Variants in PELP1 observed in about 807,000 individuals in gnomAD.
PELP1 encodes proline, glutamate and leucine rich protein 1, also known as proline-, glutamic acid- and leucine-rich protein 1.
Under a neutral mutation model 95.5 loss-of-function variants are expected in PELP1, and 32 were observed. The observed-to-expected ratio is 0.34, with a 90% CI of 0.25 to 0.45. PELP1 has a LOEUF of 0.45. PELP1 is among the 20% of genes least tolerant of loss of function. The pLI is 1.00. For missense variants in PELP1, 1,358 were observed against 1,444.8 expected (o/e 0.94, Z 0.97); for synonymous variants, 668 against 600.1 (o/e 1.11, Z -1.65).
chr17:4,674,980 G>A (rs1476372848), intron 11 of PELP1, 24 bp from the exon 12 acceptor site: 1 of 1,605,616 alleles, frequency 6.2e-7, no homozygotes, highest in Non-Finnish European at 8.5e-7. Context: ...AAAGATGGCA[G>A]TTATGAATGG....
At position 4,703,963 on chromosome 17, in the gene PELP1, C is replaced by G. The variant is rs1199632397; in HGVS notation, c.149G>C (p.Gly50Ala). ...GGGATGCACCGGAGCAACGGCAGAC[C>G]CCGTTCGAGGTTGCAGCAAACCAGA... ...SVSGLLQPRT[G>A]SAVAPVHPPN... Residue 50 changes from glycine (G) to alanine (A), a missense_variant, in exon 1 of 17, where the codon GGG becomes GCG. This residue lies in a region of PELP1 where 169 missense variants were observed against 134.9 expected (regional missense o/e 1.25). Coordinates refer to ENST00000572293, the MANE Select transcript of PELP1 (RefSeq NM_014389.3). 3.1e-6 allele frequency: 5 copies of G among 1,613,454 alleles called. No individual in the cohort carries two copies. The highest frequency in any genetic ancestry group is 3.4e-6 in the Non-Finnish European group (4 of 1,179,742).
intron 1 of PELP1, among the ~76,000 whole-genome samples, chr17:4,695,920 G>T (rs1292259955): frequency 6.6e-6 from 1 of 151,100 alleles, no homozygotes; most frequent in Non-Finnish European, 1.5e-5. Context: ...GCCCACCTTG[G>T]CCTCCGAAAG....
chr17:4,689,304 C>G (rs1368732404), intron 3 of PELP1, among the ~76,000 whole-genome samples: 2 of 152,106 alleles, frequency 1.3e-5, no homozygotes, highest in African/African-American at 4.8e-5. Context: ...GACCAAGAAT[C>G]CAAAAGCAAC....
In PELP1 at chr17:4,673,355, G is replaced by A; in HGVS notation, c.1740C>T (p.Tyr580=). 1 of 1,596,718 alleles carries A rather than the reference G, an allele frequency of 6.3e-7. No homozygotes were observed. The highest frequency in any genetic ancestry group is 1.1e-5 in the South Asian group (1 of 88,270). Residue 580 remains tyrosine, a synonymous_variant, in exon 15 of 17, where the codon TAC becomes TAT. Transcript: ENST00000572293. This position sits in a 1 kb window ranked among gnomAD's most constrained non-coding sequence, Gnocchi z 5.7. ...CCAGCAGCAGCGCCAGCAGCAGGCAGTAGAGTTCACGGCGGCAGCGGGAGC... is the reference window on the plus strand; with the variant it reads ...CCAGCAGCAGCGCCAGCAGCAGGCAATAGAGTTCACGGCGGCAGCGGGAGC... The part of the protein sequence containing the change: ...YTSSRCRREL[Y]CLLLALLLAP...
chr17:4,674,842 G>A lies in PELP1; in HGVS notation c.1389C>T (p.Leu463=). ...CATCAGCTGGCGGGGAGATGTCGCT[G>A]AGCAGGTGGGTGAGCAGGGCCTCTC... The part of the protein sequence containing the change: ...ASGEALLTHL[L]SDISPPADAL... The change falls in exon 12 of 17, where the codon CTC becomes CTT. Residue 463 remains leucine (L), a synonymous_variant. Coordinates refer to ENST00000572293, the MANE Select transcript of PELP1 (RefSeq NM_014389.3). 1 of 1,613,194 alleles carries A rather than the reference G, an allele frequency of 6.2e-7. No individual in the cohort carries two copies. Among genetic ancestry groups the A allele is most frequent in the Non-Finnish European group, 8.5e-7 (1 of 1,179,626 alleles).
intron 3 of PELP1, among the ~76,000 whole-genome samples, chr17:4,685,717 C>T (rs1768129061): frequency 6.7e-6 from 1 of 150,256 alleles, no homozygotes; most frequent in Admixed American, 6.7e-5. Flanking sequence ...GATGTGAGCA[C>T]CAGAGGTCAA....
At chr17:4,695,270 C>T (rs976978915) in intron 1 of PELP1, among the ~76,000 whole-genome samples, 15 of 151,350 alleles carry the variant, frequency 9.9e-5, no homozygotes, top group Non-Finnish European at 1.5e-4. Flanking sequence ...CGCAGTGAGC[C>T]GAGATCACGC....
In PELP1 at chr17:4,690,952, C is replaced by A. The variant is rs748356348; in HGVS notation, c.356G>T (p.Ser119Ile). 3.1e-6 allele frequency: 5 copies of A among 1,613,854 alleles called. No homozygotes were observed. The Admixed American group carries it at 8.3e-5, about 27-fold the overall frequency. The change falls in exon 3 of 17, where the codon AGC becomes ATC. Residue 119 changes from serine (S) to isoleucine (I), a missense_variant. This residue lies in a region of PELP1 where 538 missense variants were observed against 628.1 expected (regional missense o/e 0.86). Transcript: ENST00000572293. ...GTGCTGCTGGAATAGCTCTGTGGGG[C>A]TCTCCCCTACCAGCAGGGACAGCAG... ...LCLLSLLVGE[S>I]PTELFQQHCV...
chr17:4,699,395 A>T (rs1018863552), intron 1 of PELP1, among the ~76,000 whole-genome samples: 2 of 152,118 alleles, frequency 1.3e-5, no homozygotes, highest in African/African-American at 2.4e-5. Flanking sequence ...GAAAAAAAAA[A>T]TGGAGAATCT....
intron 3 of PELP1, among the ~76,000 whole-genome samples, chr17:4,688,579 T>G (rs557954152): frequency 6.6e-6 from 1 of 152,148 alleles, no homozygotes; most frequent in South Asian, 2.1e-4. Flanking sequence ...AATCAAGAAC[T>G]CAACCACCTT....
At position 4,675,284 on chromosome 17, in the gene PELP1, G is replaced by A. The variant is rs773604888; in HGVS notation, c.1147C>T (p.Leu383Phe). 6 of 1,576,018 alleles carry A rather than the reference G, an allele frequency of 3.8e-6. No individual in the cohort carries two copies. The highest frequency in any genetic ancestry group is 5.2e-6 in the Non-Finnish European group (6 of 1,161,024). ...HLEALDLLSA[L>F]ILACGSRLLR... Reference sequence around the variant, plus strand: ...CCCAATCCCACTCACGCGAGGATGAGTGCAGACAGCAGGTCCAAGGCCTCA... The same window carrying A: ...CCCAATCCCACTCACGCGAGGATGAATGCAGACAGCAGGTCCAAGGCCTCA... Residue 383 changes from leucine to phenylalanine, a missense_variant, in exon 10 of 17, where the codon CTC (leucine) becomes TTC (phenylalanine). By Grantham distance (22) the Leu-to-Phe change is conservative (BLOSUM62 0). This residue lies in a region of PELP1 where 538 missense variants were observed against 628.1 expected (regional missense o/e 0.86). Transcript: ENST00000572293. The surrounding 1 kb of genome is among the most constrained non-coding windows in gnomAD (Gnocchi z 4.3).
rs771606851 is a variant in PELP1, at chr17:4,671,467, G to A, written c.3365C>T (p.Pro1122Leu). The change falls in exon 17 of 17, where the codon CCA becomes CTA. Residue 1122 changes from proline (P) to leucine (L), a missense_variant. By Grantham distance (98) the Pro-to-Leu change is moderately conservative (BLOSUM62 -3). Transcript: ENST00000572293. ...GGAGTCAGGCTCTGTGGGAGGTGGTGGCTTCTCATCATCAGGGGGACAATC... is the reference window on the plus strand; with the variant it reads ...GGAGTCAGGCTCTGTGGGAGGTGGTAGCTTCTCATCATCAGGGGGACAATC... ...FIDCPPDDEK[P>L]PPPTEPDS The A allele has an allele frequency of 1.6e-5, 26 of 1,596,166 alleles. No homozygotes were observed. The African/African-American group carries it at 2.8e-4, about 17-fold the overall frequency.
At chr17:4,686,058 C>A (rs990994200) in intron 3 of PELP1, among the ~76,000 whole-genome samples, 1 of 152,120 alleles carries the variant, frequency 6.6e-6, no homozygotes, top group Non-Finnish European at 1.5e-5. Context: ...GACCGCGCCA[C>A]TGCACTCCAG....
chr17:4,699,303 C>T (rs1913427106), intron 1 of PELP1, among the ~76,000 whole-genome samples: 1 of 151,966 alleles, frequency 6.6e-6, no homozygotes, highest in African/African-American at 2.4e-5. Flanking sequence ...TGACGTGAAC[C>T]CGGGAGGCAG....
Position 4,672,916 on chromosome 17 carries a change from G to A in PELP1, c.2075C>T (p.Ala692Val), listed in dbSNP as rs759162666. The change falls in exon 16 of 17, where the codon GCA (alanine) becomes GTA (valine). Residue 692 changes from alanine to valine, a missense_variant. Physicochemically the swap from Ala to Val is moderately conservative, Grantham distance 64. This residue lies in a region of PELP1 where 340 missense variants were observed against 322.9 expected (regional missense o/e 1.05). Coordinates refer to ENST00000572293, the MANE Select transcript of PELP1 (RefSeq NM_014389.3). ...PMPSAGPMPS[A>V]GPVPSARPGP... Reference sequence around the variant, plus strand: ...AGGGCGTGCCGAGGGCACAGGGCCTGCTGAGGGCATGGGGCCTGCTGAAGG... The same window carrying A: ...AGGGCGTGCCGAGGGCACAGGGCCTACTGAGGGCATGGGGCCTGCTGAAGG... 6.2e-7 allele frequency: 1 copy of A among 1,612,764 alleles called. No individual in the cohort carries two copies. The highest frequency in any genetic ancestry group is 1.1e-5 in the South Asian group (1 of 90,726).
chr17:4,673,596 C>T lies in PELP1; in HGVS notation c.1638+23G>A. ...GAGCAGGGGCCCCTTCCCCTATCTC[C>T]ACGGAGACGAGGCTCCACTAACCCT... On this transcript the variant is annotated intron_variant, in intron 14 of 16. Transcript: ENST00000572293. The surrounding 1 kb of genome is among the most constrained non-coding windows in gnomAD (Gnocchi z 5.7). The T allele has an allele frequency of 6.2e-7, 1 of 1,611,444 alleles. No individual in the cohort carries two copies.
chr17:4,703,342 C>A (rs894984421), intron 1 of PELP1, among the ~76,000 whole-genome samples: 1 of 152,130 alleles, frequency 6.6e-6, no homozygotes, highest in African/African-American at 2.4e-5. Flanking sequence ...GCTTAAACGC[C>A]GGTTTCTTTG....
rs758336773 is a variant in PELP1, at chr17:4,691,418, C to T, written c.274G>A (p.Val92Met). 5.6e-5 allele frequency: 90 copies of T among 1,613,538 alleles called. 2 individuals are homozygous for T. The South Asian group carries it at 9.8e-4, about 18-fold the overall frequency. Reference protein sequence around the residue: ...AQNLSALGALVSLSNARLSSI... With the variant: ...AQNLSALGALMSLSNARLSSI... ...CTGAGACGTGCATTACTGAGACTCA[C>T]CAATGCCCCAAGAGCTGAAAGGTTC... is the stretch of plus-strand genomic sequence containing the variant. Residue 92 changes from valine to methionine, a missense_variant, in exon 2 of 17, where the codon GTG becomes ATG. By Grantham distance (21) the Val-to-Met change is conservative. Around this residue, in one of 7 missense-constraint regions of PELP1, gnomAD observed 169 missense variants for 134.9 expected, o/e 1.25. Coordinates refer to ENST00000572293, the MANE Select transcript of PELP1 (RefSeq NM_014389.3).
At chr17:4,692,489 T>A (rs899256461) in intron 1 of PELP1, among the ~76,000 whole-genome samples, 50 of 151,774 alleles carry the variant, frequency 3.3e-4, no homozygotes, top group Non-Finnish European at 6.2e-4. Context: ...AGAAAATATT[T>A]ACTTGATATA....
Sources: gnomAD v4.1 joint callset for allele counts (sites outside exome capture counted in the v4.1 genomes callset) on GRCh38, gnomAD v4.1.1 for gene constraint, gnomAD v4.1.1 regional missense constraint, Gnocchi (gnomAD v3.1) non-coding constraint, MANE v1.5 for transcripts, NCBI Gene and HGNC (gene_info 2026-07-23, HGNC 2026-07-21) for gene names.